GPHN: variants seen among roughly 807,000 people sequenced by gnomAD.
GPHN encodes the protein gephyrin.
A neutral mutation model predicts 95.5 loss-of-function variants in GPHN; 17 were observed. The observed-to-expected ratio is 0.18, with a 90% confidence interval of 0.12 to 0.27. GPHN has a LOEUF of 0.27. Among genes scored for constraint, GPHN ranks in the 10% least tolerant of loss-of-function variants. GPHN has a pLI of 1.00. For missense variants in GPHN, 660 were observed against 978.1 expected, an observed-to-expected ratio of 0.67 and a Z score of 4.34; for synonymous variants, 320 against 322.5, an observed-to-expected ratio of 0.99 and a Z score of 0.08.
chr14:66,924,763 A>G (rs1421048086), intron 8 of GPHN, among the ~76,000 whole-genome samples: 1 of 152,068 alleles, frequency 6.6e-6, no homozygotes. Context: ...TCTCATTACA[A>G]CCATTGCAGA....
intron 2 of GPHN, among the ~76,000 whole-genome samples, chr14:66,720,365 C>A (rs2070621026): frequency 6.6e-6 from 1 of 152,144 alleles, no homozygotes; most frequent in Admixed American, 6.6e-5. Flanking sequence ...ACCAGCCTGG[C>A]CAACACGGCG....
the GPHN span, among the ~76,000 whole-genome samples, chr14:67,220,736 C>T: frequency 6.6e-6 from 1 of 152,072 alleles, no homozygotes; most frequent in Non-Finnish European, 1.5e-5. Context: ...GGTACATTTA[C>T]CTGATGCTTC....
the GPHN span, chr14:67,586,824 G>C: frequency 6.8e-7 from 1 of 1,469,240 alleles, no homozygotes; most frequent in Non-Finnish European, 9.0e-7. Context: ...AACCAGAGCA[G>C]AACACTGGGC....
At chr14:67,400,510 C>A in the GPHN span, among the ~76,000 whole-genome samples, 3 of 152,174 alleles carry the variant, frequency 2.0e-5, no homozygotes, top group Non-Finnish European at 4.4e-5. Flanking sequence ...TTTCCTATGA[C>A]CACCCCCCGC....
At chr14:67,436,812 T>C in the GPHN span, among the ~76,000 whole-genome samples, 1 of 151,966 alleles carries the variant, frequency 6.6e-6, no homozygotes, top group South Asian at 2.1e-4. Flanking sequence ...TCCCAGCACT[T>C]TGGGAGGCTG....
intron 2 of GPHN, among the ~76,000 whole-genome samples, chr14:66,737,267 C>T (rs939944721): frequency 6.6e-5 from 10 of 151,812 alleles, no homozygotes; most frequent in African/African-American, 9.7e-5. Flanking sequence ...TCCCCTCTTT[C>T]GGGCTTTTGA....
chr14:67,554,457 T>C, the GPHN span, among the ~76,000 whole-genome samples: 1 of 152,002 alleles, frequency 6.6e-6, no homozygotes, highest in African/African-American at 2.4e-5. Context: ...AAGGCGTGGC[T>C]GGGATGCAAC....
chr14:67,658,113 G>A, the GPHN span, among the ~76,000 whole-genome samples: 6 of 152,056 alleles, frequency 3.9e-5, no homozygotes, highest in Non-Finnish European at 7.3e-5. Flanking sequence ...ACTGAATGAG[G>A]TTCAAATAAA....
In GPHN at chr14:66,736,819, T is replaced by C. The variant is rs113704130; in HGVS notation, c.144-39645T>C. On this transcript the variant is annotated intron_variant, in intron 2 of 22. Coordinates refer to ENST00000478722, the MANE Select transcript of GPHN (RefSeq NM_020806.5). ...TTCTGTTAGCCTCTTCTGAAACTTC[T>C]GCAGTGTTTTGAATTATCTCAACCA... 6.6e-4 allele frequency among the ~76,000 whole-genome samples: 101 copies of C among 152,336 alleles called. 2 individuals are homozygous for C. Among genetic ancestry groups the C allele is most frequent in the African/African-American group, 2.4e-3 (99 of 41,582 alleles).
intron 1 of GPHN, among the ~76,000 whole-genome samples, chr14:66,621,288 C>T (rs117619351): frequency 0.066 from 8,606 of 129,472 alleles, 348 homozygotes; most frequent in Middle Eastern, 0.11. Context: ...TTTTTTTTTT[C>T]GTATTTGTAG....
At chr14:67,107,394 A>G (rs2153683524) in intron 13 of GPHN, among the ~76,000 whole-genome samples, 1 of 152,322 alleles carries the variant, frequency 6.6e-6, no homozygotes, top group South Asian at 2.1e-4. Flanking sequence ...TCTCTGTGGC[A>G]GAGTTGGGTG....
At chr14:67,652,702 C>G in the GPHN span, 1 of 152,162 alleles carries the variant, frequency 6.6e-6, no homozygotes, top group South Asian at 2.1e-4. Context: ...TATAGAACTT[C>G]CAGAAAAGGA....
At chr14:66,906,903 A>G (rs1202290178) in intron 5 of GPHN, among the ~76,000 whole-genome samples, 1 of 152,182 alleles carries the variant, frequency 6.6e-6, no homozygotes, top group African/African-American at 2.4e-5. Flanking sequence ...TATGGTCTAT[A>G]TTGGTAAAAA....
chr14:66,963,382 G>A lies in GPHN; in HGVS notation c.829-1809G>A, dbSNP rs560160252. Reference sequence around the variant, plus strand: ...TATCACACACACAGAGACATTATTCGTGCAGTTGCTTCATTAGATATTGGA... The same window carrying A: ...TATCACACACACAGAGACATTATTCATGCAGTTGCTTCATTAGATATTGGA... On this transcript the variant is annotated intron_variant, in intron 8 of 22. Coordinates refer to ENST00000478722, the MANE Select transcript of GPHN (RefSeq NM_020806.5). 4.6e-5 allele frequency among the ~76,000 whole-genome samples: 7 copies of A among 152,028 alleles called. No homozygotes were observed. In the South Asian group the frequency reaches 8.3e-4, roughly 18 times the overall value.
the GPHN span, among the ~76,000 whole-genome samples, chr14:67,289,126 CT>C: frequency 1.6e-5 from 2 of 121,224 alleles, no homozygotes; most frequent in Admixed American, 1.6e-4. Context: ...ACCGCCATAA[CT>C]GGTTAATTTT....
At chr14:67,044,404 C>A (rs1369441822) in intron 10 of GPHN, among the ~76,000 whole-genome samples, 1 of 151,916 alleles carries the variant, frequency 6.6e-6, no homozygotes, top group Non-Finnish European at 1.5e-5. Context: ...ATGCCTTAGC[C>A]CGTGTTTGTT....
chr14:67,288,433 T>C, the GPHN span, among the ~76,000 whole-genome samples: 1 of 152,246 alleles, frequency 6.6e-6, no homozygotes, highest in Admixed American at 6.5e-5. Context: ...GGCTCACACC[T>C]GTAATCCTAG....
At chr14:67,605,939 G>T in the GPHN span, among the ~76,000 whole-genome samples, 1 of 152,064 alleles carries the variant, frequency 6.6e-6, no homozygotes, top group African/African-American at 2.4e-5. Context: ...TGCCTGCCTC[G>T]GCCTCCTAAA....
chr14:67,197,472 C>T, the GPHN span: 1 of 152,042 alleles, frequency 6.6e-6, no homozygotes, highest in African/African-American at 2.4e-5. Flanking sequence ...CTTTACTTTC[C>T]AAGATTTATT....
Sources: allele counts gnomAD v4.1 joint callset (sites outside exome capture counted in the v4.1 genomes callset), GRCh38; gene constraint gnomAD v4.1.1; transcripts MANE v1.5; gene names NCBI Gene and HGNC (gene_info 2026-07-23, HGNC 2026-07-21).